The following ELAPOR2 variants were observed in gnomAD, a reference collection of about 807,000 sequenced individuals.
The protein encoded by ELAPOR2 is endosome-lysosome associated apoptosis and autophagy regulator family member 2.
Under a neutral mutation model 120.7 loss-of-function variants are expected in ELAPOR2, and 89 were observed. The observed-to-expected ratio is 0.74, with a 90% CI of 0.62 to 0.88. ELAPOR2 has a LOEUF of 0.88. Ranked by LOEUF, ELAPOR2 falls within the 40% of genes least tolerant of loss-of-function variation. ELAPOR2 has a pLI of 0.00. For synonymous variants in ELAPOR2, 444 were observed against 444.9 expected, an observed-to-expected ratio of 1.00 and a Z score of 0.03; for missense variants, 1,134 against 1,251.6, an observed-to-expected ratio of 0.91 and a Z score of 1.42.
intron 8 of ELAPOR2, among the ~76,000 whole-genome samples, chr7:86,933,559 A>G (rs945188651): frequency 6.6e-6 from 1 of 151,872 alleles, no homozygotes; most frequent in Non-Finnish European, 1.5e-5. Flanking sequence ...TGCCATGACA[A>G]TGGCCATGAC....
chr7:86,966,448 C>T (rs993036478), intron 1 of ELAPOR2, among the ~76,000 whole-genome samples: 2 of 152,156 alleles, frequency 1.3e-5, no homozygotes, highest in Non-Finnish European at 2.9e-5. Flanking sequence ...TTCTCACTTC[C>T]TTCTGAGCCT....
At position 87,059,482 on chromosome 7, in the gene ELAPOR2, C is replaced by G; in HGVS notation, c.32G>C (p.Gly11Ala). 8.2e-7 allele frequency: 1 copy of G among 1,212,442 alleles called. No individual in the cohort carries two copies. The highest frequency in any genetic ancestry group is 1.0e-6 in the Non-Finnish European group (1 of 974,214). 75.1% of individuals were successfully genotyped at this position (1,212,442 alleles called of 1,614,324 possible). The change falls in exon 1 of 22, where the codon GGC (glycine) becomes GCC (alanine). Residue 11 changes from glycine (G) to alanine (A), a missense_variant. This residue lies in a region of ELAPOR2 where 280 missense variants were observed against 331.5 expected (regional missense o/e 0.84). Coordinates refer to ENST00000450689, the MANE Select transcript of ELAPOR2 (RefSeq NM_001142749.3). MLFRARGPVR[G>A]RGWGRPAEAP... is the part of the protein sequence containing the mutation. ...CTCCGCCGGCCGCCCCCAGCCCCTG[C>G]CCCGTACCGGCCCCCGGGCGCGGAA...
At chr7:87,012,147 C>T (rs988837599) in intron 1 of ELAPOR2, among the ~76,000 whole-genome samples, 2 of 152,296 alleles carry the variant, frequency 1.3e-5, no homozygotes, top group Middle Eastern at 3.4e-3. Context: ...CGTGGTGGCT[C>T]ACACCTGTAA....
chr7:87,040,249 C>T (rs996654955), intron 1 of ELAPOR2, among the ~76,000 whole-genome samples: 1 of 152,248 alleles, frequency 6.6e-6, no homozygotes. Context: ...CCGGAAAGCT[C>T]GAACTGGGTG....
At chr7:86,978,132 G>A (rs898955294) in intron 1 of ELAPOR2, among the ~76,000 whole-genome samples, 4 of 152,104 alleles carry the variant, frequency 2.6e-5, no homozygotes, top group African/African-American at 9.7e-5. Flanking sequence ...ATGCTCTTGT[G>A]ATAGTGAGTG....
intron 18 of ELAPOR2, among the ~76,000 whole-genome samples, chr7:86,906,993 G>C (rs894377118): frequency 9.2e-5 from 14 of 152,200 alleles, no homozygotes; most frequent in African/African-American, 3.4e-4. Flanking sequence ...TGCTATTAAA[G>C]CAGTCTGTAT....
intron 12 of ELAPOR2, among the ~76,000 whole-genome samples, chr7:86,917,807 GA>G (rs71719748): frequency 0.11 from 17,203 of 149,866 alleles, 1,021 homozygotes; most frequent in African/African-American, 0.14. Context: ...AGGTCATTGG[GA>G]AAAAAAAACA....
At chr7:86,983,784 G>C (rs1471592961) in intron 1 of ELAPOR2, among the ~76,000 whole-genome samples, 1 of 151,978 alleles carries the variant, frequency 6.6e-6, no homozygotes, top group Non-Finnish European at 1.5e-5. Context: ...TCAACTAATG[G>C]GCAAAATAAC....
rs540770683 is a variant in ELAPOR2 at position 86,999,547 on chromosome 7, G to A, written c.190-34523C>T. Among the ~76,000 whole-genome samples the A allele has an allele frequency of 3.9e-5, 6 of 152,162 alleles. No homozygotes were observed. In the South Asian group the frequency reaches 6.2e-4, roughly 16 times the overall value. On this transcript the variant is annotated intron_variant, in intron 1 of 21. Transcript: ENST00000450689. Reference sequence around the variant, plus strand: ...AAAATGATTTGAAGTAGGAAATTAGGTCAATTAGCAAATAGACCATTCTGC... The same window carrying A: ...AAAATGATTTGAAGTAGGAAATTAGATCAATTAGCAAATAGACCATTCTGC...
rs539880523 is a variant in ELAPOR2, at chr7:87,042,532, G to C, written c.189+16793C>G. Among the ~76,000 whole-genome samples, 311 of 151,850 alleles carry C rather than the reference G, an allele frequency of 2.0e-3. 3 individuals carry two copies. The highest frequency in any genetic ancestry group is 7.1e-3 in the African/African-American group (295 of 41,260). On this transcript the variant is annotated intron_variant, in intron 1 of 21. Transcript: ENST00000450689. ...ACTACTGGGTACATAACGAAATGAA[G>C]GCAGAAATAAAGATGTTCTTTGAAA...
At chr7:86,882,139 T>G (rs1174981917) in intron 21 of ELAPOR2, among the ~76,000 whole-genome samples, 1 of 152,224 alleles carries the variant, frequency 6.6e-6, no homozygotes, top group Non-Finnish European at 1.5e-5. Context: ...AGAACTGGCC[T>G]GAGGTCTCAT....
chr7:86,922,396 T>A lies in ELAPOR2; in HGVS notation c.1400-3086A>T, dbSNP rs1789871922. Among the ~76,000 whole-genome samples the A allele has an allele frequency of 2.0e-5, 3 of 151,864 alleles. No individual in the cohort carries two copies. In the South Asian group the frequency reaches 6.2e-4, roughly 31 times the overall value. On this transcript the variant is annotated intron_variant, in intron 10 of 21. Coordinates refer to ENST00000450689, the MANE Select transcript of ELAPOR2 (RefSeq NM_001142749.3). Reference sequence around the variant, plus strand: ...TTGTATTTAAAAATCATACTTATATTTATCATAAAAATTTTAAATTTTAAA... The same window carrying A: ...TTGTATTTAAAAATCATACTTATATATATCATAAAAATTTTAAATTTTAAA...
At chr7:86,928,903 C>T (rs1790199556) in intron 8 of ELAPOR2, among the ~76,000 whole-genome samples, 1 of 151,872 alleles carries the variant, frequency 6.6e-6, no homozygotes, top group Admixed American at 6.6e-5. Context: ...CTAATGGAGA[C>T]AGATGCTTTC....
chr7:87,008,619 T>A (rs1793559222), intron 1 of ELAPOR2, among the ~76,000 whole-genome samples: 1 of 152,212 alleles, frequency 6.6e-6, no homozygotes, highest in African/African-American at 2.4e-5. Flanking sequence ...GGTCTCAAAC[T>A]CCTGGCTTCA....
chr7:86,919,104 T>G, intron 11 of ELAPOR2, 116 bp downstream of exon 11: 1 of 641,106 alleles, frequency 1.6e-6, no homozygotes, highest in South Asian at 2.3e-5. Flanking sequence ...AGCTTGTTAT[T>G]TACTAAGTAT....
At chr7:87,052,314 A>G (rs1795131758) in intron 1 of ELAPOR2, among the ~76,000 whole-genome samples, 1 of 152,290 alleles carries the variant, frequency 6.6e-6, no homozygotes, top group South Asian at 2.1e-4. Flanking sequence ...AAGAGAAGAG[A>G]GATTGTACAG....
chr7:86,953,671 T>C (rs930353657), intron 2 of ELAPOR2, among the ~76,000 whole-genome samples: 2 of 152,230 alleles, frequency 1.3e-5, no homozygotes, highest in African/African-American at 4.8e-5. Context: ...GTTTTGAACA[T>C]GAATTTACCG....
intron 1 of ELAPOR2, among the ~76,000 whole-genome samples, chr7:86,986,784 T>C (rs1429005924): frequency 6.6e-6 from 1 of 151,494 alleles, no homozygotes; most frequent in Non-Finnish European, 1.5e-5. Flanking sequence ...AGGTAATTTA[T>C]AGATTCAATG....
chr7:87,055,704 T>A (rs1359354433), intron 1 of ELAPOR2, among the ~76,000 whole-genome samples: 5 of 152,210 alleles, frequency 3.3e-5, no homozygotes, highest in Non-Finnish European at 7.3e-5. Flanking sequence ...GGCCCATTGC[T>A]TCTTTCATGG....
Sources: gnomAD v4.1 joint callset for allele counts (sites outside exome capture counted in the v4.1 genomes callset) on GRCh38, gnomAD v4.1.1 for gene constraint, gnomAD v4.1.1 regional missense constraint, MANE v1.5 for transcripts, NCBI Gene and HGNC (gene_info 2026-07-23, HGNC 2026-07-21) for gene names.